ABLIM1: variants seen among roughly 807,000 people sequenced by gnomAD.
The protein encoded by ABLIM1 is actin binding LIM protein 1, also known as actin-binding LIM protein 1.
In ABLIM1, 40 loss-of-function variants were observed where a neutral mutation model predicts 107.0. That is an observed-to-expected ratio of 0.37 (90% confidence interval 0.29 to 0.49). The LOEUF (loss-of-function observed/expected upper bound fraction) is 0.49. Ranked by LOEUF, ABLIM1 falls within the 20% of genes least tolerant of loss-of-function variation. ABLIM1 has a pLI of 0.97. For synonymous variants in ABLIM1, 357 were observed against 357.3 expected (o/e 1.00, Z 0.01); for missense variants, 857 against 1,008.5 (o/e 0.85, Z 2.04).
At chr10:114,520,659 G>GA (rs546575734) in intron 6 of ABLIM1, among the ~76,000 whole-genome samples, 2 of 151,560 alleles carry the variant, frequency 1.3e-5, no homozygotes, top group East Asian at 1.9e-4. Context: ...GTTAAAAAAA[G>GA]AAAAAAAAGA....
chr10:114,474,019 G>A (rs2067086930), intron 8 of ABLIM1, 63 bp from the exon 9 acceptor site: 1 of 1,311,134 alleles, frequency 7.6e-7, no homozygotes, highest in Non-Finnish European at 1.1e-6. Flanking sequence ...GACTGTCCTG[G>A]GCCCTTAAGC....
chr10:114,486,527 T>C (rs1356013773), intron 8 of ABLIM1, among the ~76,000 whole-genome samples: 6 of 152,158 alleles, frequency 3.9e-5, no homozygotes, highest in African/African-American at 1.4e-4. Flanking sequence ...AAAGCATCCA[T>C]AGTTTCTCAA....
At chr10:114,497,646 C>T (rs1315142136) in intron 6 of ABLIM1, among the ~76,000 whole-genome samples, 1 of 128,936 alleles carries the variant, frequency 7.8e-6, no homozygotes, top group Non-Finnish European at 1.6e-5. Flanking sequence ...CGCACCACTG[C>T]ACTCCAGCCT....
rs56729718 is a variant in ABLIM1, at chr10:114,526,884, C to G, written c.894+18121G>C. On this transcript the variant is annotated intron_variant, in intron 6 of 22. Transcript: ENST00000533213. ...AGAGACGCACTCCGGAAACCAGCCCCGTGTGCGGCGGGCAGGCACGCTCTC... is the reference window on the plus strand; with the variant it reads ...AGAGACGCACTCCGGAAACCAGCCCGGTGTGCGGCGGGCAGGCACGCTCTC... 3.8e-3 allele frequency: 3,748 copies of G among 985,500 alleles called. 96 individuals carry two copies. In the African/African-American group the frequency reaches 0.06, roughly 16 times the overall value. 61.0% of individuals were successfully genotyped at this position (985,500 alleles called of 1,614,324 possible).
chr10:114,620,319 T>C (rs2077388021), intron 1 of ABLIM1, among the ~76,000 whole-genome samples: 1 of 152,194 alleles, frequency 6.6e-6, no homozygotes, highest in African/African-American at 2.4e-5. Flanking sequence ...CTTCCTGGGG[T>C]AGGCATGGTG....
At chr10:114,585,825 A>C (rs997115350) in intron 2 of ABLIM1, among the ~76,000 whole-genome samples, 1 of 152,104 alleles carries the variant, frequency 6.6e-6, no homozygotes, top group Non-Finnish European at 1.5e-5. Context: ...GAGACACAAA[A>C]CAATGATTGA....
intron 1 of ABLIM1, among the ~76,000 whole-genome samples, chr10:114,755,276 C>T (rs558865394): frequency 5.9e-4 from 90 of 152,284 alleles, no homozygotes; most frequent in Middle Eastern, 3.4e-3. Flanking sequence ...TCTTCTGAGG[C>T]GGGACAGTTT....
At chr10:114,657,930 A>T in intron 1 of ABLIM1, 27 bp downstream of exon 1, 2 of 1,574,052 alleles carry the variant, frequency 1.3e-6, no homozygotes, top group Non-Finnish European at 1.7e-6. Flanking sequence ...ACACAAAACC[A>T]TGTCCAGAGA....
intron 6 of ABLIM1, among the ~76,000 whole-genome samples, chr10:114,505,932 G>A (rs1379850777): frequency 6.6e-6 from 1 of 152,200 alleles, no homozygotes; most frequent in African/African-American, 2.4e-5. Flanking sequence ...ATTGCATGTT[G>A]CTGAGGTCTG....
At chr10:114,465,881 C>G in intron 11 of ABLIM1, 54 bp from the exon 12 acceptor site, 2 of 1,582,120 alleles carry the variant, frequency 1.3e-6, no homozygotes, top group Non-Finnish European at 1.7e-6. Flanking sequence ...GTAGGAACCA[C>G]GCTTCACAAA....
At chr10:114,621,391 C>CT (rs2077455001) in intron 1 of ABLIM1, among the ~76,000 whole-genome samples, 1 of 152,068 alleles carries the variant, frequency 6.6e-6, no homozygotes, top group Admixed American at 6.6e-5. Flanking sequence ...ATATTAGAGT[C>CT]TAAAAAAAAT....
Position 114,465,657 on chromosome 10 carries a change from A to G in ABLIM1, c.1441+41T>C, listed in dbSNP as rs567090381. The G allele has an allele frequency of 8.0e-5, 127 of 1,594,790 alleles. No homozygotes were observed. In the South Asian group the frequency reaches 1.4e-3, roughly 17 times the overall value. On this transcript the variant is annotated intron_variant, in intron 12 of 22. Coordinates refer to ENST00000533213, the MANE Select transcript of ABLIM1 (RefSeq NM_002313.7). ...GTAGGGGAAAAAATCACAGAAACAT[A>G]GTTTGTTATATAGAGTGAATCCAGG...
chr10:114,470,746 G>A (rs1248517854), intron 10 of ABLIM1, among the ~76,000 whole-genome samples: 1 of 152,202 alleles, frequency 6.6e-6, no homozygotes, highest in African/African-American at 2.4e-5. Flanking sequence ...AAAACTTCTA[G>A]CATAGGTATT....
upstream of ABLIM1, among the ~76,000 whole-genome samples, chr10:114,687,326 A>G (rs536335275): frequency 5.2e-4 from 79 of 152,346 alleles, 1 homozygote; most frequent in African/African-American, 1.8e-3. Flanking sequence ...TCTCTGAGGA[A>G]GGAGAGGGCT....
chr10:114,614,268 A>G (rs771271130), intron 1 of ABLIM1, among the ~76,000 whole-genome samples: 16 of 152,024 alleles, frequency 1.1e-4, no homozygotes, highest in Admixed American at 3.9e-4. Context: ...CCTGGCCAAC[A>G]TGGCGAAACC....
rs548948096 is a variant in ABLIM1 at position 114,534,648 on chromosome 10, G to A, written c.894+10357C>T. 3.3e-5 allele frequency among the ~76,000 whole-genome samples: 5 copies of A among 152,134 alleles called. No individual in the cohort carries two copies. The East Asian group carries it at 5.8e-4, about 18-fold the overall frequency. On this transcript the variant is annotated intron_variant, in intron 6 of 22. Transcript: ENST00000533213. ...ACCCACCCGCCGCCGCCACCCCGCC[G>A]CATGTGGGGCTCCTAGCACATGCTC...
chr10:114,485,888 C>G lies in ABLIM1; in HGVS notation c.1041+2070G>C, dbSNP rs967642922. 3.9e-5 allele frequency among the ~76,000 whole-genome samples: 6 copies of G among 152,330 alleles called. No individual in the cohort carries two copies. In the East Asian group the frequency reaches 1.2e-3, roughly 29 times the overall value. ...GTGTAGACACACCCTCAAGAGAGCA[C>G]AAGATGTATTTCTCTGTTCAAAACG... On this transcript the variant is annotated intron_variant, in intron 8 of 22. Coordinates refer to ENST00000533213, the MANE Select transcript of ABLIM1 (RefSeq NM_002313.7).
At chr10:114,667,615 CAT>C (rs2080080278) in intron 1 of ABLIM1, among the ~76,000 whole-genome samples, 1 of 152,232 alleles carries the variant, frequency 6.6e-6, no homozygotes, top group Non-Finnish European at 1.5e-5. Flanking sequence ...ATGTAAACCA[CAT>C]GTCTGTCAAG....
chr10:114,788,596 C>T, the ABLIM1 span, among the ~76,000 whole-genome samples: 26 of 151,978 alleles, frequency 1.7e-4, no homozygotes, highest in African/African-American at 6.0e-4. Context: ...GGCGTGGTGG[C>T]GTGTGCCTGT....
Sources: allele counts gnomAD v4.1 joint callset (sites outside exome capture counted in the v4.1 genomes callset), GRCh38; gene constraint gnomAD v4.1.1; transcripts MANE v1.5; gene names NCBI Gene and HGNC (gene_info 2026-07-23, HGNC 2026-07-21).